ST18: variants seen among roughly 807,000 people sequenced by gnomAD.
ST18 encodes suppression of tumorigenicity 18 protein.
Under a neutral mutation model 110.0 loss-of-function variants are expected in ST18, and 50 were observed. That is an observed-to-expected ratio of 0.45 (90% confidence interval 0.36 to 0.58). ST18 has a LOEUF of 0.58. ST18 is among the 20% of genes least tolerant of loss of function. The pLI, the probability that ST18 is intolerant of heterozygous loss-of-function variation, is 0.00. For missense variants in ST18, 1,306 were observed against 1,280.1 expected, an observed-to-expected ratio of 1.02 and a Z score of -0.31; for synonymous variants, 461 against 452.4, an observed-to-expected ratio of 1.02 and a Z score of -0.24.
chr8:52,306,423 T>C (rs1476139393), intron 2 of ST18, among the ~76,000 whole-genome samples: 1 of 152,124 alleles, frequency 6.6e-6, no homozygotes, highest in Non-Finnish European at 1.5e-5. Flanking sequence ...AGGGCTGGCA[T>C]AGAGAAGACG....
At chr8:52,355,558 G>A (rs1424304070) in intron 2 of ST18, among the ~76,000 whole-genome samples, 2 of 152,220 alleles carry the variant, frequency 1.3e-5, no homozygotes, top group African/African-American at 4.8e-5. Context: ...ATCCACAAAA[G>A]CAATAAGCTG....
intron 2 of ST18, among the ~76,000 whole-genome samples, chr8:52,304,780 A>G (rs913668947): frequency 1.3e-5 from 2 of 152,164 alleles, no homozygotes; most frequent in African/African-American, 4.8e-5. Flanking sequence ...AACGTCTGGG[A>G]AGGGCCTACT....
At chr8:52,117,229 A>C (rs1335010180) in intron 24 of ST18, among the ~76,000 whole-genome samples, 1 of 152,098 alleles carries the variant, frequency 6.6e-6, no homozygotes, top group Non-Finnish European at 1.5e-5. Context: ...CATGATGAGC[A>C]CTTTTGCGCT....
At chr8:52,135,568 C>CAAAAAAAA (rs71252929) in intron 19 of ST18, among the ~76,000 whole-genome samples, 110 of 55,312 alleles carry the variant, frequency 2.0e-3, no homozygotes, top group Middle Eastern at 8.8e-3. Context: ...AACTCCATCT[C>CAAAAAAAA]AAAAAAAAAA....
At chr8:52,295,173 T>G (rs971922938) in intron 2 of ST18, among the ~76,000 whole-genome samples, 1 of 152,186 alleles carries the variant, frequency 6.6e-6, no homozygotes, top group Non-Finnish European at 1.5e-5. Context: ...TTTTTTCACA[T>G]TTGTATGCTA....
intron 2 of ST18, among the ~76,000 whole-genome samples, chr8:52,360,360 T>C (rs1450256535): frequency 6.6e-6 from 1 of 152,068 alleles, no homozygotes; most frequent in African/African-American, 2.4e-5. Flanking sequence ...TTTATTTAGG[T>C]CACATAATTA....
chr8:52,205,843 C>T (rs1297114698), intron 8 of ST18, among the ~76,000 whole-genome samples: 1 of 152,180 alleles, frequency 6.6e-6, no homozygotes, highest in Non-Finnish European at 1.5e-5. Context: ...GCTGGGATTA[C>T]AGGGATGAGC....
At chr8:52,371,052 A>G (rs1245557011) in intron 2 of ST18, among the ~76,000 whole-genome samples, 1 of 152,116 alleles carries the variant, frequency 6.6e-6, no homozygotes, top group Non-Finnish European at 1.5e-5. Flanking sequence ...ATGTATATAA[A>G]CTCATGAATC....
chr8:52,302,862 G>T (rs980248395), intron 2 of ST18, among the ~76,000 whole-genome samples: 12 of 151,938 alleles, frequency 7.9e-5, no homozygotes, highest in African/African-American at 2.9e-4. Context: ...ATACATAGAA[G>T]GAAGTCATTA....
At chr8:52,324,497 T>C (rs910261435) in intron 2 of ST18, among the ~76,000 whole-genome samples, 4 of 152,058 alleles carry the variant, frequency 2.6e-5, no homozygotes, top group South Asian at 4.2e-4. Flanking sequence ...GGATGGACTA[T>C]AGCAAAAAGA....
chr8:52,175,777 T>C (rs2133971212), intron 9 of ST18, among the ~76,000 whole-genome samples: 1 of 152,272 alleles, frequency 6.6e-6, no homozygotes, highest in Non-Finnish European at 1.5e-5. Flanking sequence ...CGAGACCACA[T>C]GCCCAGCCAG....
intron 8 of ST18, among the ~76,000 whole-genome samples, chr8:52,205,500 T>C (rs1219296447): frequency 6.6e-6 from 1 of 152,132 alleles, no homozygotes; most frequent in East Asian, 1.9e-4. Flanking sequence ...GATTAGCTCC[T>C]AGGAAACAAT....
chr8:52,341,385 G>C (rs1814943451), intron 2 of ST18, among the ~76,000 whole-genome samples: 1 of 152,150 alleles, frequency 6.6e-6, no homozygotes, highest in South Asian at 2.1e-4. Context: ...CTAAAAATTT[G>C]CTAAGACTTG....
At chr8:52,362,294 A>T (rs1372862426) in intron 2 of ST18, among the ~76,000 whole-genome samples, 1 of 152,252 alleles carries the variant, frequency 6.6e-6, no homozygotes, top group African/African-American at 2.4e-5. Context: ...TTTTAAAGGT[A>T]GATAAAATTA....
At chr8:52,184,898 A>G (rs1043147799) in intron 8 of ST18, among the ~76,000 whole-genome samples, 5 of 152,344 alleles carry the variant, frequency 3.3e-5, no homozygotes, top group African/African-American at 1.2e-4. Flanking sequence ...TCTTCTAATG[A>G]GACAGAATAC....
chr8:52,409,339 G>A lies in ST18; in HGVS notation c.-476C>T, dbSNP rs945675679. On this transcript the variant is annotated 5_prime_UTR_variant, in exon 2 of 26. Coordinates refer to ENST00000689386, the MANE Select transcript of ST18 (RefSeq NM_001352837.2). ...ATATTTTTTCTTACCTTTACCTGGC[G>A]AACGTCTACAGGTGTGTCGAAAGTT... 3.3e-5 allele frequency: 5 copies of A among 152,200 alleles called. No individual in the cohort carries two copies. Among genetic ancestry groups the A allele is most frequent in the South Asian group, 4.1e-4 (2 of 4,836 alleles). 9.4% of individuals were successfully genotyped at this position (152,200 alleles called of 1,614,324 possible). A position where few individuals can be genotyped will look rare whatever the true frequency, so the allele number is the denominator to read the frequency against.
intron 2 of ST18, among the ~76,000 whole-genome samples, chr8:52,362,692 C>A (rs1037647921): frequency 6.6e-6 from 1 of 152,158 alleles, no homozygotes; most frequent in African/African-American, 2.4e-5. Context: ...GCTGAGGACA[C>A]AAGCAATCCT....
intron 4 of ST18, 126 bp downstream of exon 4, chr8:52,221,514 T>C (rs1457253207): frequency 1.3e-5 from 2 of 152,136 alleles, no homozygotes; most frequent in South Asian, 2.1e-4. Context: ...AGAGAAAACT[T>C]TGAAATTCAG....
chr8:52,386,732 C>T (rs1345429696), intron 2 of ST18, among the ~76,000 whole-genome samples: 1 of 152,044 alleles, frequency 6.6e-6, no homozygotes, highest in Non-Finnish European at 1.5e-5. Flanking sequence ...AAAGCATTGC[C>T]TTAGTGGAGT....
Sources: allele counts gnomAD v4.1 joint callset (sites outside exome capture counted in the v4.1 genomes callset), GRCh38; gene constraint gnomAD v4.1.1; transcripts MANE v1.5; gene names NCBI Gene and HGNC (gene_info 2026-07-23, HGNC 2026-07-21).